The following DLG2 variants were observed in gnomAD, a reference collection of about 807,000 sequenced individuals.
DLG2 encodes the protein disks large homolog 2.
A neutral mutation model predicts 132.5 loss-of-function variants in DLG2; 45 were observed. The ratio of observed to expected loss-of-function variants is 0.34; its 90% CI spans 0.27 to 0.44. The LOEUF (loss-of-function observed/expected upper bound fraction) is 0.44. DLG2 is among the 20% of genes least tolerant of loss of function. The probability of loss-of-function intolerance (pLI) is 1.00; values close to 1 mark genes in which losing one functional copy is unlikely to be tolerated. For missense variants in DLG2, 1,045 were observed against 1,196.9 expected (o/e 0.87, Z 1.87); for synonymous variants, 424 against 419.6 (o/e 1.01, Z -0.13).
chr11:83,520,250 G>GAA (rs1458153742), intron 21 of DLG2, among the ~76,000 whole-genome samples: 2 of 152,136 alleles, frequency 1.3e-5, no homozygotes, highest in East Asian at 3.8e-4. Flanking sequence ...ACAGTAATTG[G>GAA]AAAAGTTCTC....
intron 10 of DLG2, among the ~76,000 whole-genome samples, chr11:84,086,249 G>C (rs2154162205): frequency 6.6e-6 from 1 of 152,258 alleles, no homozygotes; most frequent in East Asian, 1.9e-4. Flanking sequence ...TGAAGAAGTT[G>C]TGAGCTTTCT....
intron 18 of DLG2, among the ~76,000 whole-genome samples, chr11:83,749,662 T>C (rs1194295038): frequency 6.6e-6 from 1 of 152,152 alleles, no homozygotes; most frequent in Non-Finnish European, 1.5e-5. Context: ...ATCTCTAAGA[T>C]GCAATTTCAA....
At chr11:83,731,230 A>T (rs1016465023) in intron 18 of DLG2, among the ~76,000 whole-genome samples, 2 of 152,132 alleles carry the variant, frequency 1.3e-5, no homozygotes, top group African/African-American at 4.8e-5. Context: ...GCAACCCATC[A>T]TCTAGGTTTT....
intron 7 of DLG2, among the ~76,000 whole-genome samples, chr11:84,403,364 C>T (rs2098837304): frequency 6.6e-6 from 1 of 152,166 alleles, no homozygotes; most frequent in South Asian, 2.1e-4. Flanking sequence ...GCTGTGAAGT[C>T]TTTAAACGGT....
rs2093918096 is a variant in DLG2 at position 84,121,585 on chromosome 11, G to T, written c.625-22538C>A. Among the ~76,000 whole-genome samples, 7 of 96,170 alleles carry T rather than the reference G, an allele frequency of 7.3e-5. 2 individuals carry two copies. Among genetic ancestry groups the T allele is most frequent in the South Asian group, 7.6e-4 (2 of 2,644 alleles). The allele number at this position is 96,170 out of a possible 152,430, so 63.1% of individuals were successfully genotyped here. The stretch of plus-strand genomic sequence containing the variant: ...TTTTTTTTTTTTTTTTTTTTGAGAC[G>T]GAGTCTCGCTCTGTGGCCCAGGCTG... On this transcript the variant is annotated intron_variant, in intron 9 of 27. Transcript: ENST00000376104.
intron 6 of DLG2, among the ~76,000 whole-genome samples, chr11:84,642,055 T>C (rs1195273830): frequency 1.4e-5 from 2 of 140,010 alleles, no homozygotes; most frequent in Admixed American, 6.8e-5. Context: ...TATATGTATA[T>C]ATACGCACGC....
At chr11:84,276,281 T>G (rs1208767113) in intron 7 of DLG2, among the ~76,000 whole-genome samples, 1 of 152,216 alleles carries the variant, frequency 6.6e-6, no homozygotes, top group Non-Finnish European at 1.5e-5. Context: ...GGCTCAATCA[T>G]TTAGGTTATA....
chr11:83,833,880 G>A (rs2055305035), intron 16 of DLG2, 110 bp from the exon 17 acceptor site: 3 of 1,172,192 alleles, frequency 2.6e-6, no homozygotes, highest in Non-Finnish European at 3.5e-6. Context: ...TTGTAAAATT[G>A]TTTCTCAAAC....
rs1565685532 is a variant in DLG2 at position 85,559,861 on chromosome 11, G to GAA, written c.40+38795_40+38796insTT. On this transcript the variant is annotated intron_variant, in intron 3 of 27. Coordinates refer to ENST00000376104, the MANE Select transcript of DLG2 (RefSeq NM_001142699.3). Reference sequence around the variant, plus strand: ...ATAGATAGATAGATAGATAGATAGAGATAAATATCCCTGGTGTAAAGTGTG... The same window carrying GAA: ...ATAGATAGATAGATAGATAGATAGAGAAATAAATATCCCTGGTGTAAAGTGTG... 6.9e-5 allele frequency among the ~76,000 whole-genome samples: 9 copies of GAA among 130,178 alleles called. No homozygotes were observed. The East Asian group carries it at 1.8e-3, about 27-fold the overall frequency. The allele number at this position is 130,178 out of a possible 152,430, so 85.4% of individuals were successfully genotyped here. A position where few individuals can be genotyped will look rare whatever the true frequency, so the allele number is the denominator to read the frequency against.
intron 6 of DLG2, among the ~76,000 whole-genome samples, chr11:84,784,742 C>T (rs1409456242): frequency 2.0e-5 from 3 of 151,872 alleles, no homozygotes; most frequent in Non-Finnish European, 4.4e-5. Context: ...AAAAAGCTTG[C>T]TCAAAAAAAT....
Position 85,149,354 on chromosome 11 carries a change from C to A in DLG2, c.282+5202G>T, listed in dbSNP as rs773539016. On this transcript the variant is annotated intron_variant, in intron 5 of 27. Coordinates refer to ENST00000376104, the MANE Select transcript of DLG2 (RefSeq NM_001142699.3). ...ATACTTTGAGCAGTATGGCCATTTT[C>A]ATGCTATTGATTCTTCCTATCCATG... Among the ~76,000 whole-genome samples the A allele has an allele frequency of 4.7e-4, 72 of 152,286 alleles. 1 individual carries two copies. The highest frequency in any genetic ancestry group is 9.7e-4 in the Non-Finnish European group (66 of 68,018).
chr11:84,273,307 A>AG (rs1491355307), intron 7 of DLG2: 5 of 234,982 alleles, frequency 2.1e-5, no homozygotes, highest in African/African-American at 5.7e-5. Flanking sequence ...GTTGAAGAGG[A>AG]AAAAAAAAAA....
At chr11:83,477,354 C>A (rs2092699691) in intron 22 of DLG2, among the ~76,000 whole-genome samples, 2 of 152,100 alleles carry the variant, frequency 1.3e-5, no homozygotes, top group Admixed American at 6.6e-5. Flanking sequence ...GTGTTTTGCA[C>A]AATTAGACAA....
In DLG2 at chr11:84,977,544, G is replaced by T. The variant is rs996452386; in HGVS notation, c.357+134117C>A. On this transcript the variant is annotated intron_variant, in intron 6 of 27. Coordinates refer to ENST00000376104, the MANE Select transcript of DLG2 (RefSeq NM_001142699.3). The stretch of plus-strand genomic sequence containing the variant: ...TATGCCCTGACCCCTTAGAAATTCT[G>T]ATATTCATTAACTCATGTTCATCTA... 2.0e-5 allele frequency among the ~76,000 whole-genome samples: 3 copies of T among 152,222 alleles called. No individual in the cohort carries two copies. In the East Asian group the frequency reaches 5.8e-4, roughly 29 times the overall value.
chr11:84,546,615 T>C (rs1304160138), intron 6 of DLG2: 9 of 512,102 alleles, frequency 1.8e-5, no homozygotes, highest in Admixed American at 6.8e-5. Context: ...TCATACCTCA[T>C]GTAGCATGGC....
intron 6 of DLG2, among the ~76,000 whole-genome samples, chr11:85,058,876 A>G (rs148810771): frequency 1.3e-5 from 2 of 151,610 alleles, no homozygotes; most frequent in African/African-American, 2.4e-5. Flanking sequence ...TTCCAAGTCA[A>G]TTTAGATCTA....
intron 20 of DLG2, among the ~76,000 whole-genome samples, chr11:83,538,208 T>C (rs2095948076): frequency 6.6e-6 from 1 of 152,216 alleles, no homozygotes; most frequent in African/African-American, 2.4e-5. Context: ...CTGGTCCCAG[T>C]TTCCTTACTT....
At chr11:84,359,827 T>A (rs1456294225) in intron 7 of DLG2, among the ~76,000 whole-genome samples, 1 of 151,940 alleles carries the variant, frequency 6.6e-6, no homozygotes, top group Admixed American at 6.6e-5. Flanking sequence ...TAACAGATTA[T>A]CCTATTATGC....
chr11:84,844,131 GTGTGTATATATATATATATA>G (rs1296466455), intron 6 of DLG2, among the ~76,000 whole-genome samples: 53 of 26,398 alleles, frequency 2.0e-3, no homozygotes, highest in African/African-American at 5.9e-3. Context: ...GTGTGTGTGT[GTGTGTATATATATATATATA>G]TATATATATA....
Sources: allele counts gnomAD v4.1 joint callset (sites outside exome capture counted in the v4.1 genomes callset), GRCh38; gene constraint gnomAD v4.1.1; transcripts MANE v1.5; gene names NCBI Gene and HGNC (gene_info 2026-07-23, HGNC 2026-07-21).